EGFR: variants seen among roughly 807,000 people sequenced by gnomAD.
EGFR encodes epidermal growth factor receptor.
A neutral mutation model predicts 143.0 loss-of-function variants in EGFR; 58 were observed. That is an observed-to-expected ratio of 0.41 (90% CI 0.33 to 0.50). The LOEUF (loss-of-function observed/expected upper bound fraction) is 0.50, where lower values mean the gene tolerates loss of function less well. Ranked by LOEUF, EGFR falls within the 20% of genes least tolerant of loss-of-function variation. The pLI is 0.39. For missense variants in EGFR, 1,307 were observed against 1,579.0 expected, an observed-to-expected ratio of 0.83 and a Z score of 2.92; for synonymous variants, 613 against 594.4, an observed-to-expected ratio of 1.03 and a Z score of -0.45.
At chr7:55,064,692 A>G (rs1381547083) in intron 1 of EGFR, among the ~76,000 whole-genome samples, 1 of 152,264 alleles carries the variant, frequency 6.6e-6, no homozygotes, top group Non-Finnish European at 1.5e-5. Context: ...AAGAAAAGAT[A>G]GTGAAACCAT....
intron 1 of EGFR, among the ~76,000 whole-genome samples, chr7:55,107,659 TC>T (rs1488785024): frequency 1.3e-5 from 2 of 152,348 alleles, no homozygotes; most frequent in East Asian, 3.9e-4. Context: ...TTCCAGTTGT[TC>T]AGAGCACATT....
rs1005453667 is a variant in EGFR, at chr7:55,161,257, C to G, written c.1499-242C>G. ...TGCCTGGCTCCCACCAGGAGGAAGA[C>G]CTGTCCTCCACTGTCAGGCACATTT... On this transcript the variant is annotated intron_variant, in intron 12 of 27. Transcript: ENST00000275493. Among the ~76,000 whole-genome samples, 5 of 152,234 alleles carry G rather than the reference C, an allele frequency of 3.3e-5. No homozygotes were observed. In the South Asian group the frequency reaches 1.0e-3, roughly 32 times the overall value.
At chr7:55,104,347 C>T (rs1001065084) in intron 1 of EGFR, among the ~76,000 whole-genome samples, 2 of 152,180 alleles carry the variant, frequency 1.3e-5, no homozygotes, top group South Asian at 2.1e-4. Context: ...CTCCCAACTC[C>T]GCCGTCGCTG....
chr7:55,178,481 T>C (rs570560116), intron 19 of EGFR, among the ~76,000 whole-genome samples: 2 of 152,246 alleles, frequency 1.3e-5, no homozygotes, highest in South Asian at 2.1e-4. Context: ...CTCCGACCCA[T>C]TGGGGTGAGC....
intron 20 of EGFR, among the ~76,000 whole-genome samples, chr7:55,189,356 C>T (rs1183917421): frequency 2.0e-5 from 3 of 151,982 alleles, no homozygotes; most frequent in Non-Finnish European, 2.9e-5. Context: ...GGTGTCTGCA[C>T]GGACGTGTGT....
intron 1 of EGFR, among the ~76,000 whole-genome samples, chr7:55,078,313 G>T (rs1790250973): frequency 7.6e-6 from 1 of 130,728 alleles, no homozygotes; most frequent in Non-Finnish European, 1.6e-5. Flanking sequence ...CCACCCCACC[G>T]CCACAGCCCA....
chr7:55,022,329 C>T (rs959066218), intron 1 of EGFR, among the ~76,000 whole-genome samples: 2 of 152,262 alleles, frequency 1.3e-5, no homozygotes, highest in East Asian at 1.9e-4. Context: ...CTTCTGGAGA[C>T]GTTCCCATTC....
chr7:55,163,424 G>A (rs1302480795), intron 13 of EGFR, among the ~76,000 whole-genome samples: 1 of 152,074 alleles, frequency 6.6e-6, no homozygotes, highest in Non-Finnish European at 1.5e-5. Context: ...TCTGGTATTA[G>A]AGGCAGGGAA....
chr7:55,160,178 A>G lies in EGFR; in HGVS notation c.1338A>G (p.Thr446=). ...FSLAVVSLNI[T]SLGLRSLKEI... ...TTGCAGTCGTCAGCCTGAACATAAC[A>G]TCCTTGGGATTACGCTCCCTCAAGG... Residue 446 remains threonine (T), a synonymous_variant, in exon 12 of 28, where the codon ACA becomes ACG. Transcript: ENST00000275493. 1 of 1,614,210 alleles carries G rather than the reference A, an allele frequency of 6.2e-7. No homozygotes were observed. Among genetic ancestry groups the G allele is most frequent in the South Asian group, 1.1e-5 (1 of 91,084 alleles).
chr7:55,205,107 T>G, intron 27 of EGFR, 149 bp from the exon 28 acceptor site: 1 of 1,207,658 alleles, frequency 8.3e-7, no homozygotes. Flanking sequence ...CACTTTCTTT[T>G]GCAGCAACAG....
At chr7:55,114,193 G>T (rs1792690575) in intron 1 of EGFR, among the ~76,000 whole-genome samples, 1 of 152,204 alleles carries the variant, frequency 6.6e-6, no homozygotes, top group African/African-American at 2.4e-5. Context: ...ATTAGTGTGT[G>T]TTTTTGCTCA....
intron 1 of EGFR, among the ~76,000 whole-genome samples, chr7:55,033,300 T>TTTTTG (rs1329908910): frequency 1.3e-5 from 2 of 151,986 alleles, no homozygotes; most frequent in African/African-American, 2.4e-5. Flanking sequence ...CTTGTGGTGT[T>TTTTTG]TTTTGTTTTG....
chr7:55,144,456 T>G (rs1335579866), intron 3 of EGFR, among the ~76,000 whole-genome samples: 3 of 152,210 alleles, frequency 2.0e-5, no homozygotes, highest in Non-Finnish European at 4.4e-5. Flanking sequence ...TCCTGTGCCA[T>G]GCAGTTCTGA....
chr7:55,094,360 G>C (rs1381778241), intron 1 of EGFR, among the ~76,000 whole-genome samples: 2 of 152,218 alleles, frequency 1.3e-5, no homozygotes, highest in African/African-American at 4.8e-5. Context: ...CCAGGTCGGG[G>C]GGCAGGGGGG....
chr7:55,141,163 A>G (rs1794437176), intron 1 of EGFR, among the ~76,000 whole-genome samples: 2 of 152,218 alleles, frequency 1.3e-5, no homozygotes, highest in African/African-American at 4.8e-5. Flanking sequence ...TCCAACATCC[A>G]AAGCCAGAGG....
Position 55,168,487 on chromosome 7 carries a change from T to A in EGFR, c.1881-2688T>A, listed in dbSNP as rs151161031. The A allele has an allele frequency of 1.6e-4, 180 of 1,151,936 alleles. No individual in the cohort carries two copies. In the African/African-American group the frequency reaches 2.4e-3, roughly 16 times the overall value. 71.4% of individuals were successfully genotyped at this position (1,151,936 alleles called of 1,614,324 possible). On this transcript the variant is annotated intron_variant, in intron 15 of 27. Transcript: ENST00000275493. ...TCAAGATTTAAATTAAAAATGTTAG[T>A]GGTCATTTTTCTAATGTCTTTCTAT...
chr7:55,106,676 G>C (rs991271590), intron 1 of EGFR, among the ~76,000 whole-genome samples: 12 of 152,134 alleles, frequency 7.9e-5, no homozygotes, highest in African/African-American at 1.4e-4. Context: ...CATGCAAAAG[G>C]CTAGTCCTGA....
At chr7:55,170,658 C>T (rs1786302860) in intron 15 of EGFR, 2 of 1,596,120 alleles carry the variant, frequency 1.3e-6, no homozygotes, top group African/African-American at 2.7e-5. Context: ...ACTCCCTTTG[C>T]CAGTGCCTCT....
chr7:55,167,085 T>C, intron 15 of EGFR, among the ~76,000 whole-genome samples: 1 of 133,034 alleles, frequency 7.5e-6, no homozygotes, highest in Non-Finnish European at 1.6e-5. Context: ...ATGGTGGTGA[T>C]GATGATGAGG....
Sources: allele counts gnomAD v4.1 joint callset (sites outside exome capture counted in the v4.1 genomes callset), GRCh38; gene constraint gnomAD v4.1.1; transcripts MANE v1.5; gene names NCBI Gene and HGNC (gene_info 2026-07-23, HGNC 2026-07-21).